Variants in TLE1 observed in about 807,000 individuals in gnomAD.
The protein encoded by TLE1 is TLE family member 1, transcriptional corepressor, also known as transducin-like enhancer protein 1.
Under a neutral mutation model 89.8 loss-of-function variants are expected in TLE1, and 21 were observed. The ratio of observed to expected loss-of-function variants is 0.23; its 90% CI spans 0.17 to 0.34. The LOEUF (loss-of-function observed/expected upper bound fraction) is 0.34. Among genes scored for constraint, TLE1 ranks in the 10% least tolerant of loss-of-function variants. The pLI is 1.00. For missense variants in TLE1, 795 were observed against 1,031.2 expected (o/e 0.77, Z 3.14); for synonymous variants, 447 against 407.6 (o/e 1.10, Z -1.16).
At chr9:81,677,984 T>C (rs1833120409) in intron 4 of TLE1, among the ~76,000 whole-genome samples, 1 of 152,216 alleles carries the variant, frequency 6.6e-6, no homozygotes, top group Admixed American at 6.5e-5. Context: ...TGTTTTTTCC[T>C]CCCAGCTTTT....
intron 4 of TLE1, among the ~76,000 whole-genome samples, chr9:81,678,511 A>G (rs187038815): frequency 1.8e-4 from 27 of 152,268 alleles, no homozygotes; most frequent in Admixed American, 1.7e-3. Context: ...CTTGCAACTT[A>G]GTAATTATTA....
intron 15 of TLE1, 56 bp from the exon 16 acceptor site, chr9:81,591,108 A>T: frequency 6.4e-7 from 1 of 1,571,878 alleles, no homozygotes; most frequent in South Asian, 1.2e-5. Flanking sequence ...TCATAGCACC[A>T]TGTTCTCTAA....
intron 4 of TLE1, among the ~76,000 whole-genome samples, chr9:81,666,977 GGGTGTGGTGGTGT>G (rs954714175): frequency 1.3e-5 from 2 of 151,688 alleles, no homozygotes; most frequent in Non-Finnish European, 2.9e-5. Context: ...AAAATTAGCC[GGGTGTGGTGGTGT>G]GGCCTATAGT....
intron 8 of TLE1, among the ~76,000 whole-genome samples, chr9:81,623,745 G>A (rs530790255): frequency 1.5e-4 from 23 of 151,842 alleles, no homozygotes; most frequent in Admixed American, 3.9e-4. Flanking sequence ...AGCAGAGATC[G>A]TGCCACTGCA....
intron 4 of TLE1, among the ~76,000 whole-genome samples, chr9:81,681,362 C>A (rs1266286045): frequency 6.6e-6 from 1 of 151,838 alleles, no homozygotes; most frequent in Non-Finnish European, 1.5e-5. Flanking sequence ...ACCAGCCTAG[C>A]CAATATAGTG....
At chr9:81,634,020 T>C in intron 7 of TLE1, 77 bp downstream of exon 7, 1 of 1,471,602 alleles carries the variant, frequency 6.8e-7, no homozygotes, top group Non-Finnish European at 9.2e-7. Flanking sequence ...TGGGGCTCTC[T>C]TTAGCGATGC....
At chr9:81,642,722 A>AGAAAGGAAG (rs561764598) in intron 6 of TLE1, among the ~76,000 whole-genome samples, 1 of 149,370 alleles carries the variant, frequency 6.7e-6, no homozygotes. Flanking sequence ...AAGAAAGGAA[A>AGAAAGGAAG]GAAAGAAAGA....
In TLE1 at chr9:81,593,418, T is replaced by C; in HGVS notation, c.1332-144A>G. On this transcript the variant is annotated intron_variant, in intron 14 of 19. Transcript: ENST00000376499. ...AGTTTCCTTTGAAATCAATACAAAT[T>C]GAAGCATTTACTGCTGGTGCAAATT... 7 of 1,186,730 alleles carry C rather than the reference T, an allele frequency of 5.9e-6. No homozygotes were observed. The South Asian group carries it at 1.2e-4, about 20-fold the overall frequency. The allele number at this position is 1,186,730 out of a possible 1,614,324, so 73.5% of individuals were successfully genotyped here. A position where few individuals can be genotyped will look rare whatever the true frequency, so the allele number is the denominator to read the frequency against.
intron 4 of TLE1, among the ~76,000 whole-genome samples, chr9:81,660,237 A>G (rs1830596948): frequency 1.3e-5 from 2 of 151,890 alleles, no homozygotes; most frequent in Admixed American, 6.6e-5. Flanking sequence ...TTTCAAAGTC[A>G]TGCCTCAATG....
intron 11 of TLE1, 53 bp downstream of exon 11, chr9:81,615,929 C>T: frequency 6.2e-7 from 1 of 1,606,964 alleles, no homozygotes; most frequent in Non-Finnish European, 8.5e-7. Context: ...GTCCTCCAGT[C>T]CACAATGAAA....
intron 4 of TLE1, among the ~76,000 whole-genome samples, chr9:81,659,943 T>C (rs1480230717): frequency 6.6e-6 from 1 of 152,176 alleles, no homozygotes; most frequent in African/African-American, 2.4e-5. Context: ...ACTGAGAAGC[T>C]GCCTTTCCCC....
chr9:81,651,121 G>T lies in TLE1; in HGVS notation c.372+1093C>A, dbSNP rs114400644. On this transcript the variant is annotated intron_variant, in intron 6 of 19. Transcript: ENST00000376499. ...TATGGCACTCTTAATCCGTACAGCAGCATGTCTAATTATCATTACAAAGTG... is the reference window on the plus strand; with the variant it reads ...TATGGCACTCTTAATCCGTACAGCATCATGTCTAATTATCATTACAAAGTG... Among the ~76,000 whole-genome samples, 385 of 152,302 alleles carry T rather than the reference G, an allele frequency of 2.5e-3. 3 individuals carry two copies. The highest frequency in any genetic ancestry group is 8.7e-3 in the African/African-American group (363 of 41,566).
At chr9:81,622,976 A>C (rs1462888003) in intron 8 of TLE1, among the ~76,000 whole-genome samples, 3 of 152,098 alleles carry the variant, frequency 2.0e-5, no homozygotes, top group Non-Finnish European at 4.4e-5. Context: ...GCTCCCATGA[A>C]CCCAGTTTTC....
At chr9:81,645,186 CCTG>C (rs1828690694) in intron 6 of TLE1, among the ~76,000 whole-genome samples, 1 of 150,962 alleles carries the variant, frequency 6.6e-6, no homozygotes, top group African/African-American at 2.4e-5. Flanking sequence ...ATGGAGAAAC[CCTG>C]TCTCTACTAA....
chr9:81,662,067 T>C (rs1215702177), intron 4 of TLE1, among the ~76,000 whole-genome samples: 3 of 152,160 alleles, frequency 2.0e-5, no homozygotes, highest in African/African-American at 7.2e-5. Context: ...AAGCATTCCA[T>C]GCATGAAGCT....
intron 6 of TLE1, among the ~76,000 whole-genome samples, chr9:81,647,651 G>A (rs1829019003): frequency 1.3e-5 from 2 of 152,160 alleles, no homozygotes; most frequent in African/African-American, 4.8e-5. Context: ...AGTTCAAGGA[G>A]TCAGGACCAC....
chr9:81,671,173 A>T (rs1206122479), intron 4 of TLE1, among the ~76,000 whole-genome samples: 1 of 152,086 alleles, frequency 6.6e-6, no homozygotes, highest in Non-Finnish European at 1.5e-5. Context: ...GTCTCAAAAC[A>T]AAAAAGAAAC....
At chr9:81,597,037 T>C (rs1395250194) in intron 14 of TLE1, among the ~76,000 whole-genome samples, 1 of 152,228 alleles carries the variant, frequency 6.6e-6, no homozygotes, top group Non-Finnish European at 1.5e-5. Context: ...CAAACTTTGC[T>C]GTTAAATGAA....
chr9:81,624,208 C>CTT (rs1324800891), intron 8 of TLE1, among the ~76,000 whole-genome samples: 1 of 152,152 alleles, frequency 6.6e-6, no homozygotes, highest in Non-Finnish European at 1.5e-5. Flanking sequence ...GAATGCCTTG[C>CTT]TTTAATCAGG....
Sources: gnomAD v4.1 joint callset for allele counts (sites outside exome capture counted in the v4.1 genomes callset) on GRCh38, gnomAD v4.1.1 for gene constraint, MANE v1.5 for transcripts, NCBI Gene and HGNC (gene_info 2026-07-23, HGNC 2026-07-21) for gene names.